Variants in POLN observed in about 807,000 individuals in gnomAD.
POLN encodes the protein DNA polymerase N.
POLN carries 108 observed loss-of-function variants against 113.5 expected under a neutral mutation model. That is an observed-to-expected ratio of 0.95 (90% CI 0.81 to 1.12). The LOEUF (loss-of-function observed/expected upper bound fraction) is 1.12, where lower values mean the gene tolerates loss of function less well. Among genes scored for constraint, POLN ranks in the 50% most tolerant of loss-of-function variants. The probability of loss-of-function intolerance (pLI) is 0.00; values close to 1 mark genes in which losing one functional copy is unlikely to be tolerated. For synonymous variants in POLN, 386 were observed against 391.5 expected (o/e 0.99, Z 0.17); for missense variants, 1,097 against 1,077.1 (o/e 1.02, Z -0.26).
At chr4:2,174,147 T>A (rs1732936629) in intron 10 of POLN, 128 bp from the exon 11 acceptor site, 1 of 821,056 alleles carries the variant, frequency 1.2e-6, no homozygotes, top group African/African-American at 1.7e-5. Flanking sequence ...ACCTGCTGCA[T>A]GCCAACCTCT....
chr4:2,169,209 G>A (rs1258293793), intron 13 of POLN, among the ~76,000 whole-genome samples: 2 of 152,206 alleles, frequency 1.3e-5, no homozygotes, highest in East Asian at 1.9e-4. Flanking sequence ...CTGGGGATAC[G>A]CTCTGCAGCT....
At chr4:2,227,331 A>C (rs1734423526) in intron 3 of POLN, 1 of 152,230 alleles carries the variant, frequency 6.6e-6, no homozygotes, top group South Asian at 2.1e-4. Flanking sequence ...ATGTGAGCTT[A>C]GAAGAGAATG....
Position 2,090,563 on chromosome 4 carries a change from C to T in POLN, c.2066-4819G>A, listed in dbSNP as rs1730642290. 8 of 469,170 alleles carry T rather than the reference C, an allele frequency of 1.7e-5. No individual in the cohort carries two copies. In the Admixed American group the frequency reaches 1.7e-4, roughly 10 times the overall value. The allele number at this position is 469,170 out of a possible 1,614,324, so 29.1% of individuals were successfully genotyped here. A position where few individuals can be genotyped will look rare whatever the true frequency, so the allele number is the denominator to read the frequency against. On this transcript the variant is annotated intron_variant, in intron 20 of 25. Coordinates refer to ENST00000511885, the MANE Select transcript of POLN (RefSeq NM_181808.4). The stretch of plus-strand genomic sequence containing the variant: ...TCTACAGACTGGCCATGGTGATCAT[C>T]ATCTTCAAGATCTTCATCGCAGTCA...
intron 19 of POLN, among the ~76,000 whole-genome samples, chr4:2,096,244 C>T (rs1212911665): frequency 2.0e-5 from 3 of 152,186 alleles, no homozygotes; most frequent in South Asian, 2.1e-4. Context: ...CAGGAAAGGC[C>T]GTTCCCCATA....
At chr4:2,212,998 G>T in intron 4 of POLN, 49 bp downstream of exon 4, 2 of 1,331,644 alleles carry the variant, frequency 1.5e-6, no homozygotes, top group South Asian at 1.3e-5. Context: ...AGCATCTATT[G>T]AACAAATAAG....
In POLN at chr4:2,207,579, AAC is replaced by A. The variant is rs1293457367; in HGVS notation, c.714+406_714+407del. ...AATTTTAAAATGGGCAAAAAATTTG[AAC>A]AGACATTTCATCAAAGAAGATATAT... is the stretch of plus-strand genomic sequence containing the variant. On this transcript the variant is annotated intron_variant, in intron 5 of 25. Transcript: ENST00000511885. 8.5e-5 allele frequency among the ~76,000 whole-genome samples: 13 copies of A among 152,312 alleles called. No individual in the cohort carries two copies. In the East Asian group the frequency reaches 2.3e-3, roughly 27 times the overall value.
intron 2 of POLN, chr4:2,236,460 A>T: frequency 6.3e-7 from 1 of 1,579,430 alleles, no homozygotes; most frequent in Non-Finnish European, 8.7e-7. Flanking sequence ...GTAAAGCCTG[A>T]AATGTAAAAA....
chr4:2,156,639 C>A (rs1303121737), intron 16 of POLN, 149 bp downstream of exon 16: 3 of 704,134 alleles, frequency 4.3e-6, no homozygotes, highest in African/African-American at 1.8e-5. Flanking sequence ...CTGCTATGTT[C>A]TCAGAATAAA....
rs756427734 is a variant in POLN at position 2,080,973 on chromosome 4, T to C, written c.2372A>G (p.His791Arg). Residue 791 changes from histidine to arginine, a missense_variant, in exon 23 of 26, where the codon CAC becomes CGC. Transcript: ENST00000511885. Reference sequence around the variant, plus strand: ...ACCCACTGACCTGGCCGTCAAGGTGTGGGAAGCAGCCACTGCAGTGAAGAC... The same window carrying C: ...ACCCACTGACCTGGCCGTCAAGGTGCGGGAAGCAGCCACTGCAGTGAAGAC... ...IHVFTAVAASHTLTARLVAQI... is the reference protein window; with the variant it reads ...IHVFTAVAASRTLTARLVAQI... 27 of 1,613,816 alleles carry C rather than the reference T, an allele frequency of 1.7e-5. No homozygotes were observed. The South Asian group carries it at 3.0e-4, about 18-fold the overall frequency.
At chr4:2,223,641 T>C (rs780100638) in intron 3 of POLN, among the ~76,000 whole-genome samples, 1 of 152,198 alleles carries the variant, frequency 6.6e-6, no homozygotes, top group Non-Finnish European at 1.5e-5. Context: ...AGCTGTATGA[T>C]CTAGCCTGTA....
intron 20 of POLN, 46 bp from the exon 21 acceptor site, chr4:2,085,790 G>A (rs1274644953): frequency 1.3e-5 from 21 of 1,607,790 alleles, no homozygotes; most frequent in Non-Finnish European, 1.7e-5. Flanking sequence ...CACACCAGCC[G>A]TGACTGTGTG....
chr4:2,090,017 G>A, intron 20 of POLN: 2 of 883,746 alleles, frequency 2.3e-6, no homozygotes. Flanking sequence ...TTTTTCCTAT[G>A]GAGTAAACAG....
At chr4:2,172,588 AC>A (rs1161337581) in intron 11 of POLN, among the ~76,000 whole-genome samples, 1 of 152,200 alleles carries the variant, frequency 6.6e-6, no homozygotes, top group Non-Finnish European at 1.5e-5. Flanking sequence ...TTCTTGGTTG[AC>A]ATTAGTAATC....
intron 23 of POLN, chr4:2,080,045 G>T: frequency 1.0e-6 from 1 of 985,514 alleles, no homozygotes; most frequent in African/African-American, 1.7e-5. Context: ...GGGCTCTTAG[G>T]GTGGGGGTGG....
At position 2,095,921 on chromosome 4, in the gene POLN, G is replaced by A. The variant is rs146333394; in HGVS notation, c.1995C>T (p.Pro665=). ...TGTCTGCGTGTGTCACCTGTTCCAC[G>A]GGCACATCCTTCCTGCATGGAGAGA... ...STLTSQWKDV[P]VEQVTHADRE... is the part of the protein sequence containing the mutation. Residue 665 remains proline, a synonymous_variant, in exon 20 of 26, where the codon CCC becomes CCT. Transcript: ENST00000511885. 1,174 of 1,613,942 alleles carry A rather than the reference G, an allele frequency of 7.3e-4. 1 individual carries two copies. The highest frequency in any genetic ancestry group is 9.3e-4 in the Non-Finnish European group (1,099 of 1,180,002).
intron 16 of POLN, among the ~76,000 whole-genome samples, chr4:2,142,744 C>T (rs1732033556): frequency 6.6e-6 from 1 of 152,112 alleles, no homozygotes; most frequent in Non-Finnish European, 1.5e-5. Context: ...AAAGGACAGC[C>T]TAGCGAGAAA....
At position 2,073,014 on chromosome 4, in the gene POLN, GTCC is replaced by G. The variant is rs1437536332; in HGVS notation, c.2468_2470del (p.Arg823del). ...CTGCACCTGTTCCAAGGACTCCATG[GTCC>G]TCCTGACGAGAGCTAGAGTGCGGAA... On this transcript the variant is annotated inframe_deletion, in exon 25 of 26. Transcript: ENST00000511885. The G allele has an allele frequency of 1.2e-6, 2 of 1,613,440 alleles. No individual in the cohort carries two copies. Among genetic ancestry groups the G allele is most frequent in the South Asian group, 2.2e-5 (2 of 91,090 alleles).
chr4:2,156,616 C>T, intron 16 of POLN, 172 bp downstream of exon 16: 1 of 669,860 alleles, frequency 1.5e-6, no homozygotes. Flanking sequence ...GAGAACCCAT[C>T]TGTCTTGTTC....
chr4:2,147,737 G>C (rs1288339488), intron 16 of POLN, among the ~76,000 whole-genome samples: 1 of 144,494 alleles, frequency 6.9e-6, no homozygotes, highest in East Asian at 2.1e-4. Context: ...CTGCCTCCCA[G>C]GTTTAAGCGA....
Sources: gnomAD v4.1 joint callset for allele counts (sites outside exome capture counted in the v4.1 genomes callset) on GRCh38, gnomAD v4.1.1 for gene constraint, MANE v1.5 for transcripts, NCBI Gene and HGNC (gene_info 2026-07-23, HGNC 2026-07-21) for gene names.